CBX2: variants seen among roughly 807,000 people sequenced by gnomAD.
CBX2 encodes chromobox protein homolog 2.
A neutral mutation model predicts 21.0 loss-of-function variants in CBX2; 11 were observed. The ratio of observed to expected loss-of-function variants is 0.52; its 90% CI spans 0.33 to 0.87. The LOEUF is 0.87. CBX2 is among the 40% of genes least tolerant of loss of function. CBX2 has a pLI of 0.02. For synonymous variants in CBX2, 364 were observed against 304.6 expected, an observed-to-expected ratio of 1.19 and a Z score of -2.03; for missense variants, 746 against 724.3, an observed-to-expected ratio of 1.03 and a Z score of -0.34.
Position 79,784,183 on chromosome 17 carries a change from G to T in CBX2, c.740G>T (p.Arg247Leu). 6.2e-7 allele frequency: 1 copy of T among 1,612,834 alleles called. No homozygotes were observed. The highest frequency in any genetic ancestry group is 1.3e-5 in the African/African-American group (1 of 75,076). ...LMKGMASSPG[R>L]GGISWQSSIV... ...AAGGGCATGGCCAGTAGCCCCGGCC[G>T]GGGTGGCATCAGCTGGCAGAGCTCC... The change falls in exon 5 of 5, where the codon CGG becomes CTG. Residue 247 changes from arginine (R) to leucine (L), a missense_variant. Arg to Leu is a moderately radical substitution (Grantham distance 102). This residue lies in a region of CBX2 where 701 missense variants were observed against 650.7 expected (regional missense o/e 1.08). Transcript: ENST00000310942. The surrounding 1 kb of genome is among the most constrained non-coding windows in gnomAD (Gnocchi z 5.9).
rs1906948334 is a variant in CBX2, at chr17:79,778,939, C to G, written c.117-423C>G. ...CGCTACCCCTCGAGGTGCCCCGGCC[C>G]GCGCGCCACATTGTTCTGGATCTCG... On this transcript the variant is annotated intron_variant, in intron 2 of 4. Coordinates refer to ENST00000310942, the MANE Select transcript of CBX2 (RefSeq NM_005189.3). The surrounding 1 kb of genome is among the most constrained non-coding windows in gnomAD (Gnocchi z 4.8). Among the ~76,000 whole-genome samples, 1 of 152,216 alleles carries G rather than the reference C, an allele frequency of 6.6e-6. No individual in the cohort carries two copies. The highest frequency in any genetic ancestry group is 2.4e-5 in the African/African-American group (1 of 41,454).
chr17:79,777,407 C>T (rs547940785), upstream of CBX2, among the ~76,000 whole-genome samples: 1 of 152,248 alleles, frequency 6.6e-6, no homozygotes, highest in Non-Finnish European at 1.5e-5. Context: ...TTTCTCCCTA[C>T]ACGTGCCCTA....
At chr17:79,780,068 G>A (rs1436054965) in intron 3 of CBX2, among the ~76,000 whole-genome samples, 1 of 152,234 alleles carries the variant, frequency 6.6e-6, no homozygotes, top group African/African-American at 2.4e-5. Context: ...AGGCCTCCTT[G>A]AGATGTTCAA....
Position 79,778,393 on chromosome 17 carries a change from G to T in CBX2, c.82G>T (p.Glu28Ter). The change falls in exon 2 of 5, where the codon GAG (glutamate) becomes TAG (stop). Residue 28 changes from glutamate (E) to a stop codon, truncating the protein, a stop_gained. Transcript: ENST00000310942. LOFTEE classifies it high-confidence loss of function. The surrounding 1 kb of genome is among the most constrained non-coding windows in gnomAD (Gnocchi z 4.8). ...LSKRLRKGKL[E>*]YLVKWRGWSS... is the part of the protein sequence containing the mutation. The stretch of plus-strand genomic sequence containing the variant: ...TCTTCTCTCCCCGCAGGGCAAGCTG[G>T]AGTACCTGGTCAAGTGGCGCGGCTG... The T allele has an allele frequency of 6.3e-7, 1 of 1,579,702 alleles. No homozygotes were observed. The highest frequency in any genetic ancestry group is 8.6e-7 in the Non-Finnish European group (1 of 1,168,282).
Position 79,779,430 on chromosome 17 carries a change from G to C in CBX2, c.182+3G>C. 1 of 1,609,662 alleles carries C rather than the reference G, an allele frequency of 6.2e-7. No homozygotes were observed. The highest frequency in any genetic ancestry group is 8.5e-7 in the Non-Finnish European group (1 of 1,178,654). The stretch of plus-strand genomic sequence containing the variant: ...CTGCTCCTGGCCTTCCAGAAGAAGT[G>C]AGGACGCTGACAGCACTGGGGAGGG... On this transcript the variant is annotated splice_donor_region_variant and intron_variant, in intron 3 of 4. Coordinates refer to ENST00000310942, the MANE Select transcript of CBX2 (RefSeq NM_005189.3).
chr17:79,781,698 A>G lies in CBX2; in HGVS notation c.185A>G (p.Glu62Gly). The G allele has an allele frequency of 1.9e-6, 3 of 1,613,326 alleles. No homozygotes were observed. The Admixed American group carries it at 5.0e-5, about 27-fold the overall frequency. ...ATTAACTAGTGGTGTGCCTTCAGGG[A>G]ACATGAGAAGGAGGTGCAGAACCGG... Reference protein sequence around the residue: ...PRLLLAFQKKEHEKEVQNRKR... With the variant: ...PRLLLAFQKKGHEKEVQNRKR... Residue 62 changes from glutamate (E) to glycine (G), a missense_variant and splice_region_variant, in exon 4 of 5, where the codon GAA (glutamate) becomes GGA (glycine). Glu to Gly is a moderately conservative substitution (Grantham distance 98). This residue lies in a region of CBX2 where 701 missense variants were observed against 650.7 expected (regional missense o/e 1.08). Coordinates refer to ENST00000310942, the MANE Select transcript of CBX2 (RefSeq NM_005189.3).
intron 3 of CBX2, among the ~76,000 whole-genome samples, chr17:79,780,254 C>G (rs1907075115): frequency 6.6e-6 from 1 of 152,226 alleles, no homozygotes; most frequent in Admixed American, 6.5e-5. Flanking sequence ...GGAGTCTTTC[C>G]CAGCCAGGGT....
At chr17:79,779,500 C>G in intron 3 of CBX2, 73 bp downstream of exon 3, 2 of 1,396,214 alleles carry the variant, frequency 1.4e-6, no homozygotes, top group Non-Finnish European at 2.0e-6. Context: ...CTGGGCGCTG[C>G]TCGCCTGCCG....
chr17:79,781,143 G>A (rs1406292648), intron 3 of CBX2, among the ~76,000 whole-genome samples: 1 of 152,118 alleles, frequency 6.6e-6, no homozygotes, highest in Admixed American at 6.5e-5. Flanking sequence ...CTCAAGAGTA[G>A]AGTTTAGGAA....
At position 79,784,767 on chromosome 17, in the gene CBX2, A is replaced by T; in HGVS notation, c.1324A>T (p.Ser442Cys). Reference sequence around the variant, plus strand: ...CAGTGCTACCCCCAGTGGGCAGGAGAGCCGCACAGCCCCCGGAGAAGCCCG... The same window carrying T: ...CAGTGCTACCCCCAGTGGGCAGGAGTGCCGCACAGCCCCCGGAGAAGCCCG... Reference protein sequence around the residue: ...KGSATPSGQESRTAPGEARKA... With the variant: ...KGSATPSGQECRTAPGEARKA... The change falls in exon 5 of 5, where the codon AGC becomes TGC. Residue 442 changes from serine (S) to cysteine (C), a missense_variant. Ser to Cys is a moderately radical substitution (Grantham distance 112, BLOSUM62 -1). Coordinates refer to ENST00000310942, the MANE Select transcript of CBX2 (RefSeq NM_005189.3). The surrounding 1 kb of genome is among the most constrained non-coding windows in gnomAD (Gnocchi z 5.9). The T allele has an allele frequency of 6.2e-7, 1 of 1,610,640 alleles. No homozygotes were observed. Among genetic ancestry groups the T allele is most frequent in the Non-Finnish European group, 8.5e-7 (1 of 1,178,966 alleles).
rs782096535 is a variant in CBX2 at position 79,784,896 on chromosome 17, G to A, written c.1453G>A (p.Val485Met). Residue 485 changes from valine to methionine, a missense_variant, in exon 5 of 5, where the codon GTG becomes ATG. Val to Met is a conservative substitution (Grantham distance 21). This residue lies in a region of CBX2 where 701 missense variants were observed against 650.7 expected (regional missense o/e 1.08). Coordinates refer to ENST00000310942, the MANE Select transcript of CBX2 (RefSeq NM_005189.3). This position sits in a 1 kb window ranked among gnomAD's most constrained non-coding sequence, Gnocchi z 5.9. ...SPPSTGQNPS[V>M]SVQTSQDWKP... ...GCCCAGCACTGGACAGAACCCGTCA[G>A]TGTCCGTTCAGACCAGCCAGGACTG... 4.3e-6 allele frequency: 7 copies of A among 1,613,360 alleles called. No individual in the cohort carries two copies. The highest frequency in any genetic ancestry group is 1.1e-5 in the South Asian group (1 of 91,092).
intron 4 of CBX2, among the ~76,000 whole-genome samples, chr17:79,783,508 G>A (rs1555830900): frequency 6.6e-6 from 1 of 150,754 alleles, no homozygotes. Context: ...CTCCCGATTT[G>A]AAGCAATTCT....
At chr17:79,777,366 G>A (rs1310943655), upstream of CBX2, among the ~76,000 whole-genome samples, 1 of 152,082 alleles carries the variant, frequency 6.6e-6, no homozygotes, top group Non-Finnish European at 1.5e-5. Context: ...CATCAAAATC[G>A]GGGAACAAAT....
In CBX2 at chr17:79,778,765, C is replaced by T. The variant is rs939684840; in HGVS notation, c.116+338C>T. On this transcript the variant is annotated intron_variant, in intron 2 of 4. Transcript: ENST00000310942. This position sits in a 1 kb window ranked among gnomAD's most constrained non-coding sequence, Gnocchi z 4.8. ...CTTGGCCAGATTCTCCCCGCTGTAACCTGAGCTTGCTATTGATGGATGTAG... is the reference window on the plus strand; with the variant it reads ...CTTGGCCAGATTCTCCCCGCTGTAATCTGAGCTTGCTATTGATGGATGTAG... 6.6e-6 allele frequency among the ~76,000 whole-genome samples: 1 copy of T among 152,250 alleles called. No homozygotes were observed. Among genetic ancestry groups the T allele is most frequent in the East Asian group, 1.9e-4 (1 of 5,170 alleles).
At chr17:79,779,653 T>G in intron 3 of CBX2, 3 of 582,062 alleles carry the variant, frequency 5.2e-6, no homozygotes, top group South Asian at 4.0e-5. Flanking sequence ...GAGAAGAACC[T>G]AAGTAAGTGC....
Position 79,785,083 on chromosome 17 carries a change from C to T in CBX2, c.*41C>T. ...AGCTGCGCGGTCTTACTCCCCTTCC[C>T]TGCCTATGGTGTCGCTTGGCTAAGT... On this transcript the variant is annotated 3_prime_UTR_variant, in exon 5 of 5. Transcript: ENST00000310942. 1 of 1,533,724 alleles carries T rather than the reference C, an allele frequency of 6.5e-7. No individual in the cohort carries two copies. The highest frequency in any genetic ancestry group is 1.4e-5 in the African/African-American group (1 of 73,672).
chr17:79,782,871 G>A (rs540112694), intron 4 of CBX2, among the ~76,000 whole-genome samples: 21 of 152,222 alleles, frequency 1.4e-4, no homozygotes, highest in South Asian at 8.3e-4. Context: ...GCAGCATGGC[G>A]GCCTGTAAAA....
intron 4 of CBX2, 96 bp downstream of exon 4, chr17:79,781,897 G>C: frequency 6.2e-7 from 1 of 1,614,176 alleles, no homozygotes; most frequent in Non-Finnish European, 8.5e-7. Flanking sequence ...CAGGAAGGGG[G>C]TGGCACTTCT....
chr17:79,781,165 T>C (rs895134866), intron 3 of CBX2, among the ~76,000 whole-genome samples: 2 of 152,100 alleles, frequency 1.3e-5, no homozygotes, highest in Non-Finnish European at 2.9e-5. Flanking sequence ...AGAGAGGTAT[T>C]TTTAAAAAGG....
Sources: allele counts gnomAD v4.1 joint callset (sites outside exome capture counted in the v4.1 genomes callset), GRCh38; gene constraint gnomAD v4.1.1; regional missense constraint gnomAD v4.1.1; non-coding constraint Gnocchi (gnomAD v3.1); transcripts MANE v1.5; gene names NCBI Gene and HGNC (gene_info 2026-07-23, HGNC 2026-07-21).